The following VAV3 variants were observed in gnomAD, a reference collection of about 807,000 sequenced individuals.
VAV3 encodes the protein vav guanine nucleotide exchange factor 3.
Under a neutral mutation model 131.2 loss-of-function variants are expected in VAV3, and 94 were observed. That is an observed-to-expected ratio of 0.72 (90% CI 0.61 to 0.85). VAV3 has a LOEUF of 0.85. Among genes scored for constraint, VAV3 ranks in the 40% least tolerant of loss-of-function variants. The pLI, the probability that VAV3 is intolerant of heterozygous loss-of-function variation, is 0.00. For synonymous variants in VAV3, 349 were observed against 342.0 expected (o/e 1.02, Z -0.22); for missense variants, 939 against 1,002.7 (o/e 0.94, Z 0.86).
rs1397858411 is a variant in VAV3, at chr1:107,699,571, ACT to A, written c.1705+4977_1705+4978del. ...GCTCCACTAGGCAGTGGCAGTGGGG[ACT>A]CTGTGTGGGAGCTCCAACCCCACAT... On this transcript the variant is annotated intron_variant, in intron 17 of 26. Coordinates refer to ENST00000370056, the MANE Select transcript of VAV3 (RefSeq NM_006113.5). Among the ~76,000 whole-genome samples, 12 of 151,940 alleles carry A rather than the reference ACT, an allele frequency of 7.9e-5. No individual in the cohort carries two copies. In the East Asian group the frequency reaches 1.9e-3, roughly 25 times the overall value.
At chr1:107,686,029 G>C (rs1328565197) in intron 18 of VAV3, 1 of 93,144 alleles carries the variant, frequency 1.1e-5, no homozygotes, top group East Asian at 3.9e-4. Context: ...GGCTGGTTGG[G>C]GGGGTGGGGG....
chr1:107,730,507 A>G (rs1662169971), intron 15 of VAV3, among the ~76,000 whole-genome samples: 1 of 152,228 alleles, frequency 6.6e-6, no homozygotes, highest in Admixed American at 6.5e-5. Context: ...TAATCATATA[A>G]GGCTCAAAAT....
intron 1 of VAV3, among the ~76,000 whole-genome samples, chr1:107,878,592 C>A (rs563341699): frequency 6.6e-6 from 1 of 152,272 alleles, no homozygotes; most frequent in South Asian, 2.1e-4. Context: ...GAACTGAAAG[C>A]TAAATCTAGA....
intron 15 of VAV3, among the ~76,000 whole-genome samples, chr1:107,738,452 A>T (rs1662811602): frequency 6.6e-6 from 1 of 152,172 alleles, no homozygotes; most frequent in Non-Finnish European, 1.5e-5. Flanking sequence ...TGTGTAAAAC[A>T]CTTCCTGGGC....
chr1:107,599,794 T>C (rs1651694172), intron 24 of VAV3, among the ~76,000 whole-genome samples: 3 of 120,208 alleles, frequency 2.5e-5, no homozygotes, highest in Admixed American at 1.7e-4. Flanking sequence ...TTCCAGGCCC[T>C]ATTGTGTTTC....
chr1:107,667,766 G>A (rs1183775071), intron 19 of VAV3, among the ~76,000 whole-genome samples: 1 of 152,156 alleles, frequency 6.6e-6, no homozygotes, highest in Non-Finnish European at 1.5e-5. Context: ...TATTACATTA[G>A]TTTGGGGTCA....
chr1:107,677,770 T>C (rs1455193558), intron 19 of VAV3: 2 of 152,194 alleles, frequency 1.3e-5, no homozygotes, highest in Non-Finnish European at 2.9e-5. Flanking sequence ...CTGATGTATA[T>C]TTTCCATCTA....
At chr1:107,735,359 G>C (rs113531626) in intron 15 of VAV3, among the ~76,000 whole-genome samples, 2,092 of 152,254 alleles carry the variant, frequency 0.014, 58 homozygotes, top group African/African-American at 0.048. Context: ...ACTAAGGTTA[G>C]AGCAGAACTG....
intron 15 of VAV3, among the ~76,000 whole-genome samples, chr1:107,732,394 A>C (rs1486128245): frequency 6.6e-6 from 1 of 152,208 alleles, no homozygotes; most frequent in Non-Finnish European, 1.5e-5. Flanking sequence ...AGGGCGAGCC[A>C]AAGCTGGGCA....
At chr1:107,950,582 A>G (rs1674486077) in intron 1 of VAV3, among the ~76,000 whole-genome samples, 1 of 152,226 alleles carries the variant, frequency 6.6e-6, no homozygotes, top group South Asian at 2.1e-4. Context: ...GAACACAGAC[A>G]GTAAAAGCAA....
intron 1 of VAV3, among the ~76,000 whole-genome samples, chr1:107,931,599 AT>A (rs1464950195): frequency 6.6e-6 from 1 of 152,222 alleles, no homozygotes; most frequent in Non-Finnish European, 1.5e-5. Context: ...TATACTTTAC[AT>A]ATTTTAGATT....
At chr1:107,782,863 C>G (rs1029560522) in intron 2 of VAV3, among the ~76,000 whole-genome samples, 6 of 152,170 alleles carry the variant, frequency 3.9e-5, no homozygotes, top group African/African-American at 1.4e-4. Flanking sequence ...CAAAAGAAAA[C>G]ATCTCCAAGG....
At chr1:107,670,278 G>A (rs1029163349) in intron 19 of VAV3, among the ~76,000 whole-genome samples, 1 of 152,148 alleles carries the variant, frequency 6.6e-6, no homozygotes, top group East Asian at 1.9e-4. Context: ...CTTTGCCTGT[G>A]TTATGACCAC....
intron 20 of VAV3, among the ~76,000 whole-genome samples, chr1:107,618,743 C>A (rs1043866680): frequency 3.9e-5 from 6 of 152,128 alleles, no homozygotes; most frequent in African/African-American, 1.4e-4. Flanking sequence ...AGCCATAAAT[C>A]AAACTCAGAT....
At chr1:107,917,145 T>G (rs1475540157) in intron 1 of VAV3, among the ~76,000 whole-genome samples, 1 of 151,654 alleles carries the variant, frequency 6.6e-6, no homozygotes, top group Non-Finnish European at 1.5e-5. Context: ...ACTGGTAGAG[T>G]CCTGCATGGG....
At chr1:107,811,696 A>G (rs1031446686) in intron 2 of VAV3, among the ~76,000 whole-genome samples, 19 of 152,148 alleles carry the variant, frequency 1.2e-4, no homozygotes, top group African/African-American at 4.3e-4. Flanking sequence ...ACAAAAGTAA[A>G]CATATTAAAA....
At chr1:107,591,135 C>A (rs1650919016) in intron 25 of VAV3, among the ~76,000 whole-genome samples, 1 of 152,094 alleles carries the variant, frequency 6.6e-6, no homozygotes, top group South Asian at 2.1e-4. Flanking sequence ...GCCACCACCC[C>A]ACACCCTGTC....
At chr1:107,748,470 C>T (rs986421050) in intron 15 of VAV3, among the ~76,000 whole-genome samples, 15 of 152,174 alleles carry the variant, frequency 9.9e-5, no homozygotes, top group Non-Finnish European at 1.9e-4. Flanking sequence ...GCCCTTAAAG[C>T]ATTCCTTAAA....
chr1:107,768,643 A>C (rs996124536), intron 6 of VAV3, 134 bp from the exon 7 acceptor site: 2 of 585,938 alleles, frequency 3.4e-6, no homozygotes, highest in Non-Finnish European at 5.8e-6. Flanking sequence ...AAAATTGTAG[A>C]AACTATTTTC....
Sources: gnomAD v4.1 joint callset for allele counts (sites outside exome capture counted in the v4.1 genomes callset) on GRCh38, gnomAD v4.1.1 for gene constraint, MANE v1.5 for transcripts, NCBI Gene and HGNC (gene_info 2026-07-23, HGNC 2026-07-21) for gene names.